The following ADCY7 variants were observed in gnomAD, a reference collection of about 807,000 sequenced individuals.
ADCY7 encodes adenylate cyclase 7.
ADCY7 carries 72 observed loss-of-function variants against 120.6 expected under a neutral mutation model. The observed-to-expected ratio is 0.60, with a 90% CI of 0.49 to 0.73. The LOEUF (loss-of-function observed/expected upper bound fraction) is 0.73, where lower values mean the gene tolerates loss of function less well. Ranked by LOEUF, ADCY7 falls within the 30% of genes least tolerant of loss-of-function variation. ADCY7 has a pLI of 0.00. For missense variants in ADCY7, 1,227 were observed against 1,486.0 expected, an observed-to-expected ratio of 0.83 and a Z score of 2.87; for synonymous variants, 661 against 628.0, an observed-to-expected ratio of 1.05 and a Z score of -0.78.
Position 50,295,345 on chromosome 16 carries a change from A to ATTTTTTTTTT in ADCY7, c.948+615_948+624dup, listed in dbSNP as rs67137852. Among the ~76,000 whole-genome samples the ATTTTTTTTTT allele has an allele frequency of 3.4e-3, 278 of 82,724 alleles. 33 individuals carry two copies. Among genetic ancestry groups the ATTTTTTTTTT allele is most frequent in the Non-Finnish European group, 5.2e-3 (227 of 43,886 alleles). The allele number at this position is 82,724 out of a possible 152,430, so 54.3% of individuals were successfully genotyped here. ...AGGCATGCACCACCACGCCTGGCTA[A>ATTTTTTTTTT]TTTTTTTTTTTTTTTTTTTTTTTTT... is the stretch of plus-strand genomic sequence containing the variant. On this transcript the variant is annotated intron_variant, in intron 7 of 25. Coordinates refer to ENST00000673801, the MANE Select transcript of ADCY7 (RefSeq NM_001114.5).
At chr16:50,276,638 C>T (rs1304216335) in intron 1 of ADCY7, among the ~76,000 whole-genome samples, 2 of 152,186 alleles carry the variant, frequency 1.3e-5, no homozygotes, top group Non-Finnish European at 2.9e-5. Context: ...CTCTGTTTCT[C>T]AGGCTGGAAT....
At chr16:50,307,486 C>G (rs1029905800) in intron 15 of ADCY7, among the ~76,000 whole-genome samples, 2 of 152,060 alleles carry the variant, frequency 1.3e-5, no homozygotes, top group African/African-American at 2.4e-5. Flanking sequence ...CATCCTTTTT[C>G]TCTTATATAT....
intron 1 of ADCY7, among the ~76,000 whole-genome samples, chr16:50,250,277 G>A (rs2032716089): frequency 6.6e-6 from 1 of 152,028 alleles, no homozygotes; most frequent in Admixed American, 6.6e-5. Context: ...CCAACATGTT[G>A]AAACACCATC....
At chr16:50,315,285 C>A in intron 25 of ADCY7, 74 bp from the exon 26 acceptor site, 1 of 1,571,568 alleles carries the variant, frequency 6.4e-7, no homozygotes, top group South Asian at 1.2e-5. Flanking sequence ...CATGCCTGGG[C>A]AGTCTCTATC....
chr16:50,298,235 A>T (rs542761993), intron 7 of ADCY7, among the ~76,000 whole-genome samples: 82 of 150,424 alleles, frequency 5.5e-4, no homozygotes, highest in African/African-American at 2.0e-3. Context: ...CTCTGTCCTC[A>T]CCCCCCACTC....
chr16:50,256,262 G>A (rs373592401), intron 1 of ADCY7, among the ~76,000 whole-genome samples: 1 of 152,254 alleles, frequency 6.6e-6, no homozygotes, highest in African/African-American at 2.4e-5. Flanking sequence ...AATGGGCAAA[G>A]AACCTGAATA....
chr16:50,255,533 C>T (rs1192885257), intron 1 of ADCY7, among the ~76,000 whole-genome samples: 1 of 152,022 alleles, frequency 6.6e-6, no homozygotes, highest in Non-Finnish European at 1.5e-5. Context: ...CTCACTCTGT[C>T]ACCTAGCCTG....
upstream of ADCY7, among the ~76,000 whole-genome samples, chr16:50,261,760 A>G (rs1023874406): frequency 3.9e-5 from 6 of 152,206 alleles, no homozygotes; most frequent in Non-Finnish European, 8.8e-5. Context: ...GCTCTCAGAC[A>G]GGAATAATAG....
chr16:50,308,762 C>T lies in ADCY7; in HGVS notation c.2031C>T (p.Gly677=), dbSNP rs1306338378. 2.5e-6 allele frequency: 4 copies of T among 1,612,236 alleles called. No homozygotes were observed. The African/African-American group carries it at 4.0e-5, about 16-fold the overall frequency. Reference sequence around the variant, plus strand: ...TGACCCTGGCCGTCCTGACCATCGGCAGCCTGCTCACTGTGGCCATCATCA... The same window carrying T: ...TGACCCTGGCCGTCCTGACCATCGGTAGCCTGCTCACTGTGGCCATCATCA... The part of the protein sequence containing the change: ...LRLTLAVLTI[G]SLLTVAIINL... Residue 677 remains glycine (G), a synonymous_variant, in exon 17 of 26, where the codon GGC becomes GGT. Coordinates refer to ENST00000673801, the MANE Select transcript of ADCY7 (RefSeq NM_001114.5).
intron 1 of ADCY7, among the ~76,000 whole-genome samples, chr16:50,277,393 C>A (rs1325547567): frequency 2.0e-5 from 3 of 152,216 alleles, no homozygotes. Flanking sequence ...ACTACCTTCA[C>A]TGGGGGTTGT....
At position 50,305,548 on chromosome 16, in the gene ADCY7, C is replaced by T. The variant is rs779459779; in HGVS notation, c.1641C>T (p.Asp547=). 1.4e-5 allele frequency: 22 copies of T among 1,607,750 alleles called. No individual in the cohort carries two copies. Among genetic ancestry groups the T allele is most frequent in the Admixed American group, 1.3e-4 (8 of 59,328 alleles). The change falls in exon 13 of 26, where the codon GAC becomes GAT. Residue 547 remains aspartate, a synonymous_variant. Transcript: ENST00000673801. ...GGTCGGAGGATGACTCGTACGATGA[C>T]GAGATGCTGTCAGCCATTGAGGGGC... ...KGRSEDDSYD[D]EMLSAIEGLS...
rs758657755 is a variant in ADCY7, at chr16:50,290,492, G to A, written c.207G>A (p.Ala69=). 8.1e-6 allele frequency: 13 copies of A among 1,614,222 alleles called. No homozygotes were observed. The highest frequency in any genetic ancestry group is 1.1e-5 in the South Asian group (1 of 91,088). Residue 69 remains alanine (A), a synonymous_variant, in exon 3 of 26, where the codon GCG becomes GCA. Coordinates refer to ENST00000673801, the MANE Select transcript of ADCY7 (RefSeq NM_001114.5). ...PSRHQAILGM[A]FLVLAVFAAL... ...GACACCAGGCCATTCTGGGCATGGC[G>A]TTCCTGGTGCTGGCGGTGTTTGCGG...
chr16:50,313,848 C>A (rs916558811), intron 22 of ADCY7, 110 bp from the exon 23 acceptor site: 2 of 819,336 alleles, frequency 2.4e-6, no homozygotes, highest in Non-Finnish European at 4.0e-6. Context: ...GACGTGTGTG[C>A]GAGAGGCGGC....
At chr16:50,295,156 T>C (rs35003370) in intron 7 of ADCY7, among the ~76,000 whole-genome samples, 41,295 of 151,898 alleles carry the variant, frequency 0.27, 6,851 homozygotes, top group East Asian at 0.82. Flanking sequence ...AGGTGAATCA[T>C]GTGCACATTA....
chr16:50,247,046 AGATTGAAT>A (rs2032611488), intron 1 of ADCY7, among the ~76,000 whole-genome samples: 1 of 151,804 alleles, frequency 6.6e-6, no homozygotes, highest in Non-Finnish European at 1.5e-5. Context: ...GATGCTCCAG[AGATTGAAT>A]GAATGAATGA....
chr16:50,315,188 A>G, intron 25 of ADCY7, 50 bp downstream of exon 25: 1 of 1,606,200 alleles, frequency 6.2e-7, no homozygotes, highest in Non-Finnish European at 8.5e-7. Flanking sequence ...GATCTTCCCC[A>G]GAGGTGAGGG....
intron 2 of ADCY7, among the ~76,000 whole-genome samples, chr16:50,288,602 C>T (rs1037933628): frequency 1.3e-5 from 2 of 152,108 alleles, no homozygotes; most frequent in African/African-American, 4.8e-5. Flanking sequence ...CTCAGCCTTC[C>T]GAGTAGCTAG....
At chr16:50,275,790 G>A (rs927286543) in intron 1 of ADCY7, among the ~76,000 whole-genome samples, 7 of 152,192 alleles carry the variant, frequency 4.6e-5, no homozygotes, top group African/African-American at 1.2e-4. Flanking sequence ...GCCTGGGTTC[G>A]AATCCTAGCT....
chr16:50,260,463 T>C (rs1253558587), intron 1 of ADCY7, among the ~76,000 whole-genome samples: 2 of 152,232 alleles, frequency 1.3e-5, no homozygotes, highest in Non-Finnish European at 2.9e-5. Context: ...ATGAAGACTC[T>C]GCTTCTCTCT....
Sources: allele counts gnomAD v4.1 joint callset (sites outside exome capture counted in the v4.1 genomes callset), GRCh38; gene constraint gnomAD v4.1.1; transcripts MANE v1.5; gene names NCBI Gene and HGNC (gene_info 2026-07-23, HGNC 2026-07-21).